Variants in SDK2 observed in about 807,000 individuals in gnomAD.
SDK2 encodes the protein protein sidekick-2.
In SDK2, 105 loss-of-function variants were observed where a neutral mutation model predicts 253.9. The observed-to-expected ratio is 0.41, with a 90% CI of 0.35 to 0.49. SDK2 has a LOEUF of 0.49. SDK2 is among the 20% of genes least tolerant of loss of function. SDK2 has a pLI of 0.06. For synonymous variants in SDK2, 1,249 were observed against 1,234.9 expected (o/e 1.01, Z -0.24); for missense variants, 2,608 against 3,003.0 (o/e 0.87, Z 3.07).
At chr17:73,372,745 A>C (rs114076734) in intron 36 of SDK2, among the ~76,000 whole-genome samples, 2,714 of 152,164 alleles carry the variant, frequency 0.018, 81 homozygotes, top group African/African-American at 0.062. Flanking sequence ...TGTCTCGAAA[A>C]AAACAAACAA....
intron 3 of SDK2, among the ~76,000 whole-genome samples, chr17:73,469,986 GCGCGCGCACA>G (rs1247077016): frequency 1.2e-5 from 1 of 81,018 alleles, no homozygotes; most frequent in African/African-American, 4.8e-5. Flanking sequence ...GCGACTGCGC[GCGCGCGCACA>G]CACACACACA....
Position 73,639,655 on chromosome 17 carries a change from C to G in SDK2, c.64+4370G>C, listed in dbSNP as rs2143305973. 2.0e-5 allele frequency among the ~76,000 whole-genome samples: 3 copies of G among 152,314 alleles called. No homozygotes were observed. The South Asian group carries it at 6.2e-4, about 32-fold the overall frequency. ...GGGTAGAAACCCCGCAGGGCGCACACTAACACCCGACATCAATTCCAACTC... is the reference window on the plus strand; with the variant it reads ...GGGTAGAAACCCCGCAGGGCGCACAGTAACACCCGACATCAATTCCAACTC... On this transcript the variant is annotated intron_variant, in intron 1 of 44. Coordinates refer to ENST00000392650, the MANE Select transcript of SDK2 (RefSeq NM_001144952.2). This position sits in a 1 kb window ranked among gnomAD's most constrained non-coding sequence, Gnocchi z 4.3.
intron 28 of SDK2, 107 bp from the exon 29 acceptor site, chr17:73,390,588 AC>A (rs1305688559): frequency 1.7e-6 from 2 of 1,165,872 alleles, no homozygotes; most frequent in African/African-American, 3.1e-5. Flanking sequence ...GTACATGGCC[AC>A]CTTGCCGTGG....
intron 1 of SDK2, among the ~76,000 whole-genome samples, chr17:73,566,319 ATGTG>A (rs55940592): frequency 3.8e-4 from 53 of 139,366 alleles, no homozygotes; most frequent in East Asian, 8.1e-4. Flanking sequence ...TTATATATAT[ATGTG>A]TGTGTGTGTG....
At chr17:73,405,467 CATATATATAT>C (rs1166184210) in intron 18 of SDK2, among the ~76,000 whole-genome samples, 10 of 6,036 alleles carry the variant, frequency 1.7e-3, no homozygotes, top group African/African-American at 6.6e-3. Flanking sequence ...AACAAAAAAC[CATATATATAT>C]ATATATATAT....
intron 1 of SDK2, among the ~76,000 whole-genome samples, chr17:73,558,747 C>T (rs1599677715): frequency 6.6e-6 from 1 of 152,104 alleles, no homozygotes; most frequent in Non-Finnish European, 1.5e-5. Context: ...AACTTCAGGG[C>T]CCCCGCACCA....
chr17:73,510,174 C>T (rs1009858814), intron 1 of SDK2, among the ~76,000 whole-genome samples: 1 of 152,072 alleles, frequency 6.6e-6, no homozygotes, highest in African/African-American at 2.4e-5. Flanking sequence ...TCAGGTTCAG[C>T]CCTTGTTTCC....
At chr17:73,591,634 A>C (rs925088068) in intron 1 of SDK2, among the ~76,000 whole-genome samples, 2 of 152,142 alleles carry the variant, frequency 1.3e-5, no homozygotes, top group African/African-American at 4.8e-5. Flanking sequence ...CTGAGGTCCA[A>C]ATTTACTTGG....
intron 36 of SDK2, among the ~76,000 whole-genome samples, chr17:73,378,386 G>GC (rs1283903894): frequency 1.3e-5 from 2 of 152,024 alleles, no homozygotes; most frequent in Admixed American, 1.3e-4. Context: ...ACAGGTGTGA[G>GC]CCACCACACA....
chr17:73,386,022 A>C, intron 31 of SDK2, 105 bp from the exon 32 acceptor site: 1 of 769,578 alleles, frequency 1.3e-6, no homozygotes, highest in Non-Finnish European at 2.1e-6. Flanking sequence ...GGGCAGGTCC[A>C]GATCGCATCG....
At chr17:73,627,920 T>C (rs1051314610) in intron 1 of SDK2, among the ~76,000 whole-genome samples, 2 of 151,302 alleles carry the variant, frequency 1.3e-5, no homozygotes, top group African/African-American at 4.9e-5. Flanking sequence ...GGCGTGGTGG[T>C]GGGCGCCTGT....
intron 9 of SDK2, 50 bp from the exon 10 acceptor site, chr17:73,433,898 C>T: frequency 1.5e-6 from 2 of 1,353,668 alleles, no homozygotes; most frequent in Non-Finnish European, 2.0e-6. Context: ...GAGATGTCCC[C>T]CAAGCCAGAG....
At chr17:73,587,303 C>A (rs538517818) in intron 1 of SDK2, among the ~76,000 whole-genome samples, 2 of 152,310 alleles carry the variant, frequency 1.3e-5, no homozygotes, top group Admixed American at 1.3e-4. Flanking sequence ...GCCACTGGCC[C>A]GAGGTGGAGC....
At chr17:73,439,223 C>T (rs2063395480) in intron 6 of SDK2, among the ~76,000 whole-genome samples, 4 of 152,188 alleles carry the variant, frequency 2.6e-5, no homozygotes, top group Non-Finnish European at 5.9e-5. Flanking sequence ...TTGGAAGCTT[C>T]CTGAGGCCTC....
intron 1 of SDK2, 118 bp from the exon 2 acceptor site, chr17:73,507,715 A>G (rs2063947334): frequency 2.7e-6 from 3 of 1,122,942 alleles, no homozygotes; most frequent in Non-Finnish European, 3.7e-6. Flanking sequence ...TAATTTGCCC[A>G]AGGTCCCGTG....
chr17:73,382,336 C>G (rs374851243), intron 33 of SDK2, among the ~76,000 whole-genome samples: 1 of 152,110 alleles, frequency 6.6e-6, no homozygotes, highest in African/African-American at 2.4e-5. Flanking sequence ...TGCCTGCTGC[C>G]GTCTTCTACT....
intron 1 of SDK2, among the ~76,000 whole-genome samples, chr17:73,529,925 G>C (rs903278060): frequency 6.6e-6 from 1 of 152,198 alleles, no homozygotes; most frequent in African/African-American, 2.4e-5. Flanking sequence ...GAAACACATA[G>C]AGTTGTTAAC....
At chr17:73,542,858 G>A (rs1358115822) in intron 1 of SDK2, among the ~76,000 whole-genome samples, 7 of 152,180 alleles carry the variant, frequency 4.6e-5, no homozygotes, top group Admixed American at 2.6e-4. Flanking sequence ...GAAAGGGCAG[G>A]AGATTCCCGG....
chr17:73,551,414 G>C (rs556824506), intron 1 of SDK2, among the ~76,000 whole-genome samples: 2 of 152,362 alleles, frequency 1.3e-5, no homozygotes, highest in South Asian at 4.1e-4. Flanking sequence ...GTCACTGACG[G>C]TCTAAGTGAG....
Sources: gnomAD v4.1 joint callset for allele counts (sites outside exome capture counted in the v4.1 genomes callset) on GRCh38, gnomAD v4.1.1 for gene constraint, Gnocchi (gnomAD v3.1) non-coding constraint, MANE v1.5 for transcripts, NCBI Gene and HGNC (gene_info 2026-07-23, HGNC 2026-07-21) for gene names.